Variants in EXT1 observed in about 807,000 individuals in gnomAD.
EXT1 encodes exostosin-1.
Under a neutral mutation model 82.5 loss-of-function variants are expected in EXT1, and 20 were observed. The observed-to-expected ratio is 0.24, with a 90% CI of 0.17 to 0.35. The LOEUF (loss-of-function observed/expected upper bound fraction) is 0.35, where lower values mean the gene tolerates loss of function less well. Among genes scored for constraint, EXT1 ranks in the 10% least tolerant of loss-of-function variants. EXT1 has a pLI of 1.00. For synonymous variants in EXT1, 348 were observed against 350.8 expected (o/e 0.99, Z 0.09); for missense variants, 757 against 936.5 (o/e 0.81, Z 2.50).
At chr8:117,888,553 A>G (rs977095082) in intron 1 of EXT1, among the ~76,000 whole-genome samples, 9 of 152,180 alleles carry the variant, frequency 5.9e-5, no homozygotes, top group Non-Finnish European at 1.2e-4. Context: ...GTGTTCTATA[A>G]ATGGCCTAGA....
intron 1 of EXT1, among the ~76,000 whole-genome samples, chr8:118,098,451 T>C (rs1817658489): frequency 6.6e-6 from 1 of 152,020 alleles, no homozygotes; most frequent in Non-Finnish European, 1.5e-5. Context: ...TACTAGTCCA[T>C]CAAGAATAGC....
intron 1 of EXT1, among the ~76,000 whole-genome samples, chr8:117,960,312 A>C (rs1025820296): frequency 6.6e-6 from 1 of 152,246 alleles, no homozygotes; most frequent in African/African-American, 2.4e-5. Context: ...TGCACTTTTC[A>C]TGGTAAAACT....
chr8:118,066,170 G>A (rs1022882866), intron 1 of EXT1, among the ~76,000 whole-genome samples: 2 of 151,976 alleles, frequency 1.3e-5, no homozygotes, highest in African/African-American at 2.4e-5. Context: ...TCTGTCACCC[G>A]CAAGACAGCA....
intron 1 of EXT1, among the ~76,000 whole-genome samples, chr8:118,085,890 A>G (rs1210035055): frequency 6.6e-6 from 1 of 152,206 alleles, no homozygotes; most frequent in Non-Finnish European, 1.5e-5. Context: ...GCACCAGAAA[A>G]ATAAAAGAAA....
intron 1 of EXT1, among the ~76,000 whole-genome samples, chr8:117,999,993 T>A (rs921173020): frequency 7.8e-4 from 118 of 152,178 alleles, no homozygotes; most frequent in African/African-American, 2.6e-3. Flanking sequence ...TATATATATA[T>A]CTGTACTTTA....
intron 1 of EXT1, among the ~76,000 whole-genome samples, chr8:117,869,980 A>G (rs1174876432): frequency 6.6e-6 from 1 of 152,220 alleles, no homozygotes; most frequent in East Asian, 1.9e-4. Context: ...ACAAAGGAAG[A>G]AAACAATGAG....
intron 1 of EXT1, among the ~76,000 whole-genome samples, chr8:118,021,763 C>A (rs1212921752): frequency 1.3e-5 from 2 of 152,060 alleles, no homozygotes; most frequent in African/African-American, 4.8e-5. Context: ...TCCCTGACAC[C>A]CCAGACTACA....
chr8:117,835,626 T>C, intron 2 of EXT1, 75 bp from the exon 3 acceptor site: 1 of 1,110,536 alleles, frequency 9.0e-7, no homozygotes, highest in Non-Finnish European at 1.4e-6. Context: ...GTGAAATCAG[T>C]ACAAACTCAA....
intron 1 of EXT1, among the ~76,000 whole-genome samples, chr8:117,865,917 G>T (rs1283764433): frequency 1.3e-5 from 2 of 152,172 alleles, no homozygotes; most frequent in Admixed American, 1.3e-4. Context: ...TCTTTCTTGT[G>T]TATATTCTCA....
chr8:117,958,054 G>T (rs1342327461), intron 1 of EXT1, among the ~76,000 whole-genome samples: 3 of 151,986 alleles, frequency 2.0e-5, no homozygotes, highest in African/African-American at 4.8e-5. Context: ...GGAGGGAAGA[G>T]AACAGTATTT....
At chr8:118,100,496 T>A (rs960907541) in intron 1 of EXT1, among the ~76,000 whole-genome samples, 3 of 152,070 alleles carry the variant, frequency 2.0e-5, no homozygotes, top group Non-Finnish European at 4.4e-5. Flanking sequence ...ACACCTGTAA[T>A]CCCAGCACTT....
intron 1 of EXT1, among the ~76,000 whole-genome samples, chr8:118,032,541 G>T (rs555201004): frequency 7.2e-6 from 1 of 139,770 alleles, no homozygotes; most frequent in South Asian, 2.2e-4. Flanking sequence ...ACAGAGTTTC[G>T]CTCTCGTTGC....
At chr8:118,077,878 T>C (rs562785684) in intron 1 of EXT1, among the ~76,000 whole-genome samples, 1 of 152,322 alleles carries the variant, frequency 6.6e-6, no homozygotes, top group Non-Finnish European at 1.5e-5. Context: ...ATAATTTCGA[T>C]TGTGTTCTTT....
chr8:118,000,995 T>C (rs923607187), intron 1 of EXT1, among the ~76,000 whole-genome samples: 3 of 152,200 alleles, frequency 2.0e-5, no homozygotes, highest in Admixed American at 2.0e-4. Context: ...TACGCTTTCT[T>C]CATTCGATAA....
intron 1 of EXT1, among the ~76,000 whole-genome samples, chr8:118,029,651 G>C (rs553351340): frequency 3.3e-5 from 5 of 152,188 alleles, no homozygotes; most frequent in African/African-American, 9.6e-5. Flanking sequence ...GTACTATGTG[G>C]CACAAAGTAA....
chr8:117,984,449 C>CAAAAAA (rs368857333), intron 1 of EXT1, among the ~76,000 whole-genome samples: 7 of 130,950 alleles, frequency 5.3e-5, no homozygotes, highest in South Asian at 2.4e-4. Flanking sequence ...CAAAACAAAA[C>CAAAAAA]AAAAAAAAAA....
At chr8:117,936,735 C>T (rs1220613263) in intron 1 of EXT1, among the ~76,000 whole-genome samples, 2 of 152,028 alleles carry the variant, frequency 1.3e-5, no homozygotes, top group African/African-American at 2.4e-5. Context: ...ATTAGCCAGG[C>T]GTGGTGGCAC....
chr8:117,912,644 G>A (rs571127305), intron 1 of EXT1, among the ~76,000 whole-genome samples: 152 of 152,260 alleles, frequency 1.0e-3, no homozygotes, highest in African/African-American at 3.3e-3. Context: ...AAGGAGGAGC[G>A]ACAAAGTGTG....
chr8:117,845,830 G>A (rs947851845), intron 1 of EXT1, among the ~76,000 whole-genome samples: 7 of 152,078 alleles, frequency 4.6e-5, no homozygotes, highest in African/African-American at 1.7e-4. Context: ...TGCACAATCT[G>A]TAATCTTTAC....
Sources: gnomAD v4.1 joint callset for allele counts (sites outside exome capture counted in the v4.1 genomes callset) on GRCh38, gnomAD v4.1.1 for gene constraint, MANE v1.5 for transcripts, NCBI Gene and HGNC (gene_info 2026-07-23, HGNC 2026-07-21) for gene names.